FLACC1: variants seen among roughly 807,000 people sequenced by gnomAD.
FLACC1 encodes flagellum-associated coiled-coil domain-containing protein 1.
Under a neutral mutation model 62.8 loss-of-function variants are expected in FLACC1, and 66 were observed. The observed-to-expected ratio is 1.05, with a 90% CI of 0.86 to 1.29. FLACC1 has a LOEUF of 1.29. Among genes scored for constraint, FLACC1 ranks in the 50% most tolerant of loss-of-function variants. The pLI is 0.00. For missense variants in FLACC1, 452 were observed against 489.1 expected, an observed-to-expected ratio of 0.92 and a Z score of 0.71; for synonymous variants, 156 against 161.0, an observed-to-expected ratio of 0.97 and a Z score of 0.24.
intron 7 of FLACC1, among the ~76,000 whole-genome samples, chr2:201,336,068 A>C (rs1950690782): frequency 6.6e-6 from 1 of 152,186 alleles, no homozygotes; most frequent in African/African-American, 2.4e-5. Context: ...GGTAAATTGT[A>C]CATCACTGGG....
intron 12 of FLACC1, among the ~76,000 whole-genome samples, chr2:201,294,187 CTGAT>C (rs1559384201): frequency 6.6e-6 from 1 of 152,166 alleles, no homozygotes; most frequent in Non-Finnish European, 1.5e-5. Context: ...CAGCATCATC[CTGAT>C]ACCAAAGCCT....
upstream of FLACC1, among the ~76,000 whole-genome samples, chr2:201,360,283 T>C (rs1234920436): frequency 6.6e-6 from 1 of 152,206 alleles, no homozygotes; most frequent in African/African-American, 2.4e-5. Context: ...AGGCCACCAA[T>C]AGTAAAACAA....
chr2:201,347,904 A>C (rs954247419), intron 4 of FLACC1, among the ~76,000 whole-genome samples: 2 of 152,088 alleles, frequency 1.3e-5, no homozygotes, highest in African/African-American at 4.8e-5. Context: ...GCCTCTCCCC[A>C]GCTTTCGTTA....
chr2:201,300,382 G>A (rs1019816222), intron 11 of FLACC1, among the ~76,000 whole-genome samples: 4 of 152,174 alleles, frequency 2.6e-5, no homozygotes, highest in East Asian at 3.9e-4. Context: ...GGGGATGGGC[G>A]CCTGCTATTG....
intron 5 of FLACC1, among the ~76,000 whole-genome samples, chr2:201,345,828 A>C (rs1001219502): frequency 1.6e-4 from 25 of 152,190 alleles, no homozygotes; most frequent in African/African-American, 6.0e-4. Context: ...AACCTTCCAC[A>C]CTGCATCTCC....
chr2:201,359,146 C>T (rs139902420), upstream of FLACC1, among the ~76,000 whole-genome samples: 2 of 152,256 alleles, frequency 1.3e-5, no homozygotes, highest in East Asian at 3.9e-4. Context: ...TGACTGGATG[C>T]TGGGATGAGC....
intron 7 of FLACC1, among the ~76,000 whole-genome samples, 168 bp downstream of exon 7, chr2:201,342,202 A>G (rs1576468650): frequency 6.6e-6 from 1 of 152,220 alleles, no homozygotes; most frequent in Non-Finnish European, 1.5e-5. Context: ...GTGGCTTTGA[A>G]TCAAGCCATT....
At chr2:201,358,754 C>G (rs1951157031), upstream of FLACC1, among the ~76,000 whole-genome samples, 1 of 152,114 alleles carries the variant, frequency 6.6e-6, no homozygotes, top group African/African-American at 2.4e-5. Flanking sequence ...ATACATGAGG[C>G]CTTGCTATGT....
upstream of FLACC1, among the ~76,000 whole-genome samples, chr2:201,358,707 G>A (rs113103436): frequency 5.9e-5 from 9 of 151,942 alleles, no homozygotes; most frequent in Non-Finnish European, 1.2e-4. Context: ...GTGAGCCACT[G>A]CGCCCGGCCG....
chr2:201,335,149 C>T (rs1950668190), intron 7 of FLACC1, among the ~76,000 whole-genome samples: 1 of 151,976 alleles, frequency 6.6e-6, no homozygotes, highest in Non-Finnish European at 1.5e-5. Context: ...TCTTTCATTT[C>T]TGATCTTATT....
At chr2:201,324,542 A>AG (rs1189184065) in intron 9 of FLACC1, among the ~76,000 whole-genome samples, 2 of 152,188 alleles carry the variant, frequency 1.3e-5, no homozygotes, top group African/African-American at 4.8e-5. Context: ...CTACCCAAGA[A>AG]CTGTAGAATG....
At chr2:201,299,905 G>A (rs1463285984) in intron 11 of FLACC1, among the ~76,000 whole-genome samples, 1 of 152,184 alleles carries the variant, frequency 6.6e-6, no homozygotes, top group African/African-American at 2.4e-5. Context: ...AACTACCTGA[G>A]AGACTGGGTA....
intron 9 of FLACC1, among the ~76,000 whole-genome samples, chr2:201,314,778 G>A (rs1470241802): frequency 6.6e-6 from 1 of 152,206 alleles, no homozygotes; most frequent in African/African-American, 2.4e-5. Context: ...CTTAAGAGCT[G>A]TGAGGCAAAA....
chr2:201,307,677 A>G (rs147625115), intron 10 of FLACC1, 55 bp from the exon 11 acceptor site: 2 of 1,247,446 alleles, frequency 1.6e-6, no homozygotes, highest in East Asian at 4.6e-5. Context: ...AAGCAGGTGC[A>G]ATGAGAAACC....
At chr2:201,333,516 T>C (rs1285673338) in intron 7 of FLACC1, among the ~76,000 whole-genome samples, 2 of 151,908 alleles carry the variant, frequency 1.3e-5, no homozygotes, top group African/African-American at 4.8e-5. Flanking sequence ...AACTCGTCAT[T>C]TAGCATTAGG....
chr2:201,344,398 A>C, intron 5 of FLACC1, 135 bp from the exon 6 acceptor site: 1 of 497,994 alleles, frequency 2.0e-6, no homozygotes, highest in Non-Finnish European at 3.8e-6. Context: ...CTGCTCTATC[A>C]TTATGGGGTG....
chr2:201,332,417 T>C (rs1312413647), intron 7 of FLACC1, among the ~76,000 whole-genome samples: 3 of 151,994 alleles, frequency 2.0e-5, no homozygotes, highest in African/African-American at 7.2e-5. Flanking sequence ...TCCAACCAAT[T>C]TTTGTATTTT....
Position 201,289,247 on chromosome 2 carries a change from GGGAGAAGTATA to G in FLACC1, c.1142+199_1142+209del, listed in dbSNP as rs35477944. ...CATAGAAACAAGGACACAGGTGAAT[GGGAGAAGTATA>G]GACACATCTCCACTCCACCTCAAGT... On this transcript the variant is annotated intron_variant, in intron 14 of 14. Coordinates refer to ENST00000392257, the MANE Select transcript of FLACC1 (RefSeq NM_001127391.3). Among the ~76,000 whole-genome samples the G allele has an allele frequency of 3.7e-3, 559 of 152,264 alleles. 3 individuals are homozygous for G. Among genetic ancestry groups the G allele is most frequent in the Middle Eastern group, 6.8e-3 (2 of 294 alleles).
At chr2:201,294,684 G>C (rs1949818513) in intron 12 of FLACC1, among the ~76,000 whole-genome samples, 1 of 152,128 alleles carries the variant, frequency 6.6e-6, no homozygotes, top group Non-Finnish European at 1.5e-5. Flanking sequence ...CAATGAGGCA[G>C]GAGAAGGAAA....
Sources: gnomAD v4.1 joint callset for allele counts (sites outside exome capture counted in the v4.1 genomes callset) on GRCh38, gnomAD v4.1.1 for gene constraint, MANE v1.5 for transcripts, NCBI Gene and HGNC (gene_info 2026-07-23, HGNC 2026-07-21) for gene names.